RAD21: variants seen among roughly 807,000 people sequenced by gnomAD.
The protein encoded by RAD21 is double-strand-break repair protein rad21 homolog.
RAD21 carries 18 observed loss-of-function variants against 71.5 expected under a neutral mutation model. The observed-to-expected ratio is 0.25, with a 90% CI of 0.17 to 0.37. The LOEUF (loss-of-function observed/expected upper bound fraction) is 0.37, where lower values mean the gene tolerates loss of function less well. Among genes scored for constraint, RAD21 ranks in the 10% least tolerant of loss-of-function variants. RAD21 has a pLI of 1.00. For missense variants in RAD21, 493 were observed against 769.1 expected, an observed-to-expected ratio of 0.64 and a Z score of 4.25; for synonymous variants, 248 against 254.0, an observed-to-expected ratio of 0.98 and a Z score of 0.22.
In RAD21 at chr8:116,846,555, A is replaced by T. The variant is rs895871764; in HGVS notation, c.*945T>A. ...GAAAAGGAGATCAGTACTAAAACTT[A>T]CAATAAATATCAGAGAAGCCGTTAG... On this transcript the variant is annotated 3_prime_UTR_variant, in exon 14 of 14. Transcript: ENST00000297338. The T allele has an allele frequency of 8.7e-6, 2 of 228,888 alleles. No homozygotes were observed. The highest frequency in any genetic ancestry group is 4.4e-5 in the African/African-American group (2 of 45,088). The allele number at this position is 228,888 out of a possible 1,614,324, so 14.2% of individuals were successfully genotyped here.
chr8:116,849,731 A>C (rs1343350791), intron 12 of RAD21, among the ~76,000 whole-genome samples: 1 of 152,202 alleles, frequency 6.6e-6, no homozygotes, highest in African/African-American at 2.4e-5. Flanking sequence ...ACTCATTCAC[A>C]ACTAAGTCTG....
chr8:116,870,600 G>A (rs557544045), intron 1 of RAD21, among the ~76,000 whole-genome samples: 19 of 152,260 alleles, frequency 1.2e-4, no homozygotes, highest in Non-Finnish European at 2.1e-4. Flanking sequence ...CTCCTACTAT[G>A]TTATAAATAA....
At chr8:116,859,395 T>A (rs984331632) in intron 4 of RAD21, among the ~76,000 whole-genome samples, 10 of 152,060 alleles carry the variant, frequency 6.6e-5, no homozygotes, top group Admixed American at 2.0e-4. Flanking sequence ...ATCTTTAAAA[T>A]TTTTTTCCTT....
Position 116,846,432 on chromosome 8 carries a change from T to C in RAD21, c.*1068A>G, listed in dbSNP as rs1181158515. The stretch of plus-strand genomic sequence containing the variant: ...TCTGGTCTGTTAATAATAAAGTCTT[T>C]ATTTGGATGTATTTTTCTTCAATTA... On this transcript the variant is annotated 3_prime_UTR_variant, in exon 14 of 14. Coordinates refer to ENST00000297338, the MANE Select transcript of RAD21 (RefSeq NM_006265.3). 1 of 226,694 alleles carries C rather than the reference T, an allele frequency of 4.4e-6. No individual in the cohort carries two copies. Among genetic ancestry groups the C allele is most frequent in the Non-Finnish European group, 8.8e-6 (1 of 113,864 alleles). 14.0% of individuals were successfully genotyped at this position (226,694 alleles called of 1,614,324 possible). A position where few individuals can be genotyped will look rare whatever the true frequency, so the allele number is the denominator to read the frequency against.
chr8:116,854,601 G>A (rs893250749), intron 8 of RAD21, 133 bp from the exon 9 acceptor site: 7 of 696,740 alleles, frequency 1.0e-5, no homozygotes, highest in Admixed American at 2.8e-5. Flanking sequence ...AACTTCATGA[G>A]GATAGAACGT....
intron 2 of RAD21, among the ~76,000 whole-genome samples, chr8:116,864,515 T>A (rs1471262501): frequency 8.2e-6 from 1 of 121,302 alleles, no homozygotes; most frequent in Non-Finnish European, 1.8e-5. Flanking sequence ...ACATCCAAAA[T>A]TATACCAAAT....
chr8:116,865,370 A>G (rs1181803000), intron 2 of RAD21, among the ~76,000 whole-genome samples: 1 of 152,138 alleles, frequency 6.6e-6, no homozygotes, highest in Non-Finnish European at 1.5e-5. Flanking sequence ...TTAGCCACAC[A>G]TATACTTTCC....
rs1812456804 is a variant in RAD21 at position 116,856,066 on chromosome 8, T to C, written c.937+100A>G. ...AAAAAACAGAAAAAAGCAAGAAGCCTAGTTATCTAATACAACAGTAGCAGA... is the reference window on the plus strand; with the variant it reads ...AAAAAACAGAAAAAAGCAAGAAGCCCAGTTATCTAATACAACAGTAGCAGA... On this transcript the variant is annotated intron_variant, in intron 8 of 13. Coordinates refer to ENST00000297338, the MANE Select transcript of RAD21 (RefSeq NM_006265.3). 4 of 1,356,318 alleles carry C rather than the reference T, an allele frequency of 2.9e-6. No homozygotes were observed. In the South Asian group the frequency reaches 4.4e-5, roughly 15 times the overall value. 84.0% of individuals were successfully genotyped at this position (1,356,318 alleles called of 1,614,324 possible).
At chr8:116,858,549 ATATATG>A (rs1812519505) in intron 4 of RAD21, 91 bp from the exon 5 acceptor site, 1 of 974,900 alleles carries the variant, frequency 1.0e-6, no homozygotes, top group African/African-American at 1.7e-5. Flanking sequence ...TTAAAAAAAT[ATATATG>A]TATAACCCAC....
chr8:116,852,412 G>C lies in RAD21; in HGVS notation c.1321+137C>G, dbSNP rs978620919. 5 of 961,360 alleles carry C rather than the reference G, an allele frequency of 5.2e-6. No individual in the cohort carries two copies. In the African/African-American group the frequency reaches 8.4e-5, roughly 16 times the overall value. 59.6% of individuals were successfully genotyped at this position (961,360 alleles called of 1,614,324 possible). ...GCTTCATACTTAAATAAGGCAATCA[G>C]ATCCAATGCATTTCCCTGCCCAAAC... is the stretch of plus-strand genomic sequence containing the variant. On this transcript the variant is annotated intron_variant, in intron 10 of 13. Coordinates refer to ENST00000297338, the MANE Select transcript of RAD21 (RefSeq NM_006265.3).
chr8:116,870,825 C>T (rs546012825), intron 1 of RAD21, among the ~76,000 whole-genome samples: 1 of 152,320 alleles, frequency 6.6e-6, no homozygotes, highest in African/African-American at 2.4e-5. Context: ...ACCAAGTGAT[C>T]TCATAATTGG....
intron 11 of RAD21, 41 bp downstream of exon 11, chr8:116,851,906 GA>G (rs1388654674): frequency 6.4e-7 from 1 of 1,571,052 alleles, no homozygotes; most frequent in African/African-American, 1.4e-5. Context: ...CTGACTGTAT[GA>G]ATACCTTCAA....
intron 3 of RAD21, 38 bp downstream of exon 3, chr8:116,863,092 A>C (rs1812624206): frequency 6.4e-7 from 1 of 1,573,480 alleles, no homozygotes; most frequent in Non-Finnish European, 8.6e-7. Context: ...ACTCCAAAGT[A>C]AACAACAACA....
At chr8:116,865,374 A>G (rs1347936629) in intron 2 of RAD21, among the ~76,000 whole-genome samples, 1 of 152,092 alleles carries the variant, frequency 6.6e-6, no homozygotes, top group Non-Finnish European at 1.5e-5. Flanking sequence ...CCACACATAT[A>G]CTTTCCAGAA....
intron 8 of RAD21, 40 bp from the exon 9 acceptor site, chr8:116,854,508 GC>G: frequency 6.7e-7 from 1 of 1,484,446 alleles, no homozygotes; most frequent in Non-Finnish European, 9.4e-7. Flanking sequence ...TTCCTGAGAG[GC>G]CAGCATGGAA....
At chr8:116,871,927 A>G (rs949762363) in intron 1 of RAD21, among the ~76,000 whole-genome samples, 8 of 152,236 alleles carry the variant, frequency 5.3e-5, no homozygotes, top group African/African-American at 1.9e-4. Context: ...GCAGAACAGA[A>G]CATTCGAAAT....
chr8:116,859,192 G>C (rs1370601474), intron 4 of RAD21, among the ~76,000 whole-genome samples: 1 of 151,394 alleles, frequency 6.6e-6, no homozygotes, highest in Non-Finnish European at 1.5e-5. Context: ...ACTGCACTTT[G>C]TTTTACTGAG....
At position 116,861,952 on chromosome 8, in the gene RAD21, A is replaced by G. The variant is rs1481234223; in HGVS notation, c.275-12T>C. ...CAGGTCAACCACACCTAGAAAAGAAATGCTAAGCTTAAATATCTAGCTACC... is the reference window on the plus strand; with the variant it reads ...CAGGTCAACCACACCTAGAAAAGAAGTGCTAAGCTTAAATATCTAGCTACC... On this transcript the variant is annotated splice_polypyrimidine_tract_variant and intron_variant, in intron 3 of 13. Transcript: ENST00000297338. The G allele has an allele frequency of 1.3e-6, 2 of 1,583,832 alleles. No individual in the cohort carries two copies. Among genetic ancestry groups the G allele is most frequent in the Non-Finnish European group, 1.7e-6 (2 of 1,153,614 alleles).
chr8:116,848,654 T>C (rs1042134864), intron 13 of RAD21, among the ~76,000 whole-genome samples: 3 of 152,056 alleles, frequency 2.0e-5, no homozygotes, highest in Admixed American at 2.0e-4. Flanking sequence ...GTGTGGTATG[T>C]CACCATGGTT....
Sources: allele counts gnomAD v4.1 joint callset (sites outside exome capture counted in the v4.1 genomes callset), GRCh38; gene constraint gnomAD v4.1.1; transcripts MANE v1.5; gene names NCBI Gene and HGNC (gene_info 2026-07-23, HGNC 2026-07-21).